Variants in DCHS2 observed in about 807,000 individuals in gnomAD.
DCHS2 encodes protocadherin-23.
Under a neutral mutation model 182.4 loss-of-function variants are expected in DCHS2, and 142 were observed. The ratio of observed to expected loss-of-function variants is 0.78; its 90% CI spans 0.68 to 0.89. DCHS2 has a LOEUF of 0.89. Ranked by LOEUF, DCHS2 falls within the 40% of genes least tolerant of loss-of-function variation. The pLI is 0.00. For synonymous variants in DCHS2, 1,740 were observed against 1,663.3 expected (o/e 1.05, Z -1.12); for missense variants, 4,319 against 4,198.6 (o/e 1.03, Z -0.79).
Position 154,489,295 on chromosome 4 carries a change from T to G in DCHS2, c.2052+9A>C. On this transcript the variant is annotated intron_variant, in intron 1 of 19. Coordinates refer to ENST00000357232, the MANE Select transcript of DCHS2 (RefSeq NM_001358235.2). ...CCTTCAGGTTGGCCCACAGGCCTGATGCACTCACCTGCAGAAAGCAGTGTC... is the reference window on the plus strand; with the variant it reads ...CCTTCAGGTTGGCCCACAGGCCTGAGGCACTCACCTGCAGAAAGCAGTGTC... The G allele has an allele frequency of 3.3e-6, 5 of 1,500,916 alleles. No individual in the cohort carries two copies. The highest frequency in any genetic ancestry group is 4.5e-6 in the Non-Finnish European group (5 of 1,116,748). 93.0% of individuals were successfully genotyped at this position (1,500,916 alleles called of 1,614,324 possible).
chr4:154,237,679 A>G (rs1383344148), intron 19 of DCHS2: 1 of 152,258 alleles, frequency 6.6e-6, no homozygotes, highest in Non-Finnish European at 1.5e-5. Context: ...TGTTTCCCTT[A>G]TTGCTGAAAT....
intron 13 of DCHS2, among the ~76,000 whole-genome samples, chr4:154,294,717 G>A (rs1178178649): frequency 6.6e-6 from 1 of 152,152 alleles, no homozygotes; most frequent in East Asian, 1.9e-4. Context: ...GGCTTCCAGG[G>A]CCGAGCCTTG....
intron 3 of DCHS2, among the ~76,000 whole-genome samples, chr4:154,363,156 G>T (rs1197407435): frequency 3.3e-5 from 5 of 152,110 alleles, no homozygotes; most frequent in African/African-American, 1.2e-4. Flanking sequence ...CAGTATGGAG[G>T]TTCCTTTAAA....
intron 1 of DCHS2, among the ~76,000 whole-genome samples, chr4:154,446,230 C>T (rs1253054592): frequency 6.6e-6 from 1 of 152,100 alleles, no homozygotes; most frequent in Non-Finnish European, 1.5e-5. Context: ...AAAGAGGTTG[C>T]CTTTAAGGCT....
At chr4:154,393,901 T>C (rs923493168) in intron 1 of DCHS2, among the ~76,000 whole-genome samples, 1 of 152,190 alleles carries the variant, frequency 6.6e-6, no homozygotes, top group African/African-American at 2.4e-5. Flanking sequence ...ATAATATTTA[T>C]GTATATAAAT....
intron 12 of DCHS2, among the ~76,000 whole-genome samples, chr4:154,301,915 T>G (rs1403324919): frequency 6.6e-6 from 1 of 152,262 alleles, no homozygotes; most frequent in Non-Finnish European, 1.5e-5. Context: ...AATTTTACTT[T>G]TTATGTTATT....
intron 2 of DCHS2, among the ~76,000 whole-genome samples, chr4:154,374,677 AT>A (rs765408954): frequency 2.6e-5 from 4 of 152,042 alleles, no homozygotes; most frequent in East Asian, 1.9e-4. Flanking sequence ...ATTTAGACTC[AT>A]TTTTTCCCCA....
chr4:154,285,242 C>T (rs149396494), intron 13 of DCHS2, among the ~76,000 whole-genome samples: 3,237 of 152,252 alleles, frequency 0.021, 58 homozygotes, highest in Non-Finnish European at 0.03. Context: ...GGAGTACTCA[C>T]CATGAACCCT....
chr4:154,381,806 C>T (rs971880688), intron 1 of DCHS2, among the ~76,000 whole-genome samples: 2 of 152,066 alleles, frequency 1.3e-5, no homozygotes, highest in Non-Finnish European at 2.9e-5. Flanking sequence ...AATGGAAAAA[C>T]ATTCCATGCT....
At chr4:154,486,713 A>T (rs112241199) in intron 1 of DCHS2, among the ~76,000 whole-genome samples, 6 of 152,280 alleles carry the variant, frequency 3.9e-5, no homozygotes, top group African/African-American at 1.4e-4. Flanking sequence ...CGCTTCTTTG[A>T]ATCTCATATG....
chr4:154,415,873 T>C (rs1353492433), intron 1 of DCHS2, among the ~76,000 whole-genome samples: 1 of 152,190 alleles, frequency 6.6e-6, no homozygotes, highest in Non-Finnish European at 1.5e-5. Context: ...TAAATTCACT[T>C]AAATAAGTTT....
At chr4:154,292,018 G>A (rs1260802933) in intron 13 of DCHS2, among the ~76,000 whole-genome samples, 1 of 152,048 alleles carries the variant, frequency 6.6e-6, no homozygotes, top group Non-Finnish European at 1.5e-5. Context: ...AGCCTGATGT[G>A]ATTATTACAC....
intron 3 of DCHS2, among the ~76,000 whole-genome samples, chr4:154,355,019 T>A (rs1235855852): frequency 6.6e-6 from 1 of 152,152 alleles, no homozygotes; most frequent in African/African-American, 2.4e-5. Flanking sequence ...TTATCAGTGA[T>A]GAAACAGTCT....
chr4:154,419,873 C>T (rs1165834912), intron 1 of DCHS2, among the ~76,000 whole-genome samples: 1 of 147,252 alleles, frequency 6.8e-6, no homozygotes, highest in African/African-American at 2.5e-5. Context: ...AGGATTGGGG[C>T]ATGAGGGACT....
chr4:154,374,091 C>T, intron 2 of DCHS2: 1 of 711,710 alleles, frequency 1.4e-6, no homozygotes, highest in Admixed American at 2.9e-5. Context: ...AGTCAAAATT[C>T]CCAATGCACT....
At chr4:154,364,578 G>A (rs1730264378) in intron 3 of DCHS2, among the ~76,000 whole-genome samples, 1 of 152,184 alleles carries the variant, frequency 6.6e-6, no homozygotes, top group South Asian at 2.1e-4. Context: ...TTTGAGCAAG[G>A]AAAGTTTTGC....
intron 1 of DCHS2, among the ~76,000 whole-genome samples, chr4:154,424,895 GATAATGACATCTGCAACAGGTA>G (rs970457270): frequency 6.6e-6 from 1 of 152,180 alleles, no homozygotes; most frequent in Non-Finnish European, 1.5e-5. Context: ...CCCTTCCCAT[GATAATGACATCTGCAACAGGTA>G]CAGAGTCAAA....
rs371001332 is a variant in DCHS2 at position 154,490,405 on chromosome 4, G to A, written c.951C>T (p.Arg317=). The A allele has an allele frequency of 3.3e-5, 51 of 1,532,208 alleles. No individual in the cohort carries two copies. The highest frequency in any genetic ancestry group is 2.7e-4 in the East Asian group (11 of 40,448). 94.9% of individuals were successfully genotyped at this position (1,532,208 alleles called of 1,614,324 possible). A position where few individuals can be genotyped will look rare whatever the true frequency, so the allele number is the denominator to read the frequency against. ...CCAGGTCGCGGTCGGTGGCGCGCACGCGACAGACCTCGGCGCCCGGCTGGG... is the reference window on the plus strand; with the variant it reads ...CCAGGTCGCGGTCGGTGGCGCGCACACGACAGACCTCGGCGCCCGGCTGGG... ...EDAQPGAEVC[R]VRATDRDLGP... Residue 317 remains arginine, a synonymous_variant, in exon 1 of 20, where the codon CGC becomes CGT. Coordinates refer to ENST00000357232, the MANE Select transcript of DCHS2 (RefSeq NM_001358235.2).
intron 1 of DCHS2, among the ~76,000 whole-genome samples, chr4:154,395,302 T>G (rs1731882357): frequency 6.6e-6 from 1 of 152,212 alleles, no homozygotes; most frequent in Non-Finnish European, 1.5e-5. Context: ...TCTGATGAAC[T>G]TTTCTGCCAA....
Sources: allele counts gnomAD v4.1 joint callset (sites outside exome capture counted in the v4.1 genomes callset), GRCh38; gene constraint gnomAD v4.1.1; transcripts MANE v1.5; gene names NCBI Gene and HGNC (gene_info 2026-07-23, HGNC 2026-07-21).